Variants in CDCP1 observed in about 807,000 individuals in gnomAD.
CDCP1 encodes the protein CUB domain-containing protein 1.
A neutral mutation model predicts 60.2 loss-of-function variants in CDCP1; 29 were observed. The observed-to-expected ratio is 0.48, with a 90% CI of 0.36 to 0.66. CDCP1 has a LOEUF of 0.66. Among genes scored for constraint, CDCP1 ranks in the 30% least tolerant of loss-of-function variants. The pLI is 0.00. For synonymous variants in CDCP1, 387 were observed against 431.1 expected (o/e 0.90, Z 1.27); for missense variants, 876 against 1,074.3 (o/e 0.82, Z 2.58).
At chr3:45,107,549 A>G (rs1186771695) in intron 4 of CDCP1, among the ~76,000 whole-genome samples, 1 of 152,026 alleles carries the variant, frequency 6.6e-6, no homozygotes, top group Admixed American at 6.5e-5. Flanking sequence ...CTTGACCTAG[A>G]ACCCTGCAGG....
intron 2 of CDCP1, among the ~76,000 whole-genome samples, chr3:45,118,102 G>T (rs1165559403): frequency 6.6e-6 from 1 of 152,226 alleles, no homozygotes; most frequent in Admixed American, 6.5e-5. Context: ...CAGTGGCTAA[G>T]TGCAAAGACT....
Position 45,118,445 on chromosome 3 carries a change from T to C in CDCP1, c.259A>G (p.Asn87Asp). The C allele has an allele frequency of 6.2e-7, 1 of 1,614,084 alleles. No homozygotes were observed. ...VFTFSCQSPE[N>D]HFVIEIQKNI... ...TTCTGGATCTCTATGACAAAGTGAT[T>C]CTCAGGACTCTGGCAGCTAAAGGTA... The change falls in exon 2 of 9, where the codon AAT becomes GAT. Residue 87 changes from asparagine (N) to aspartate (D), a missense_variant. Physicochemically the swap from Asn to Asp is conservative, Grantham distance 23. Coordinates refer to ENST00000296129, the MANE Select transcript of CDCP1 (RefSeq NM_022842.5).
intron 2 of CDCP1, among the ~76,000 whole-genome samples, chr3:45,116,191 A>C (rs1698786272): frequency 6.6e-6 from 1 of 150,618 alleles, no homozygotes; most frequent in Non-Finnish European, 1.5e-5. Flanking sequence ...TGATTTACTA[A>C]GAGTGTTTTA....
chr3:45,138,841 C>T (rs1395274272), intron 1 of CDCP1, among the ~76,000 whole-genome samples: 1 of 151,770 alleles, frequency 6.6e-6, no homozygotes, highest in Non-Finnish European at 1.5e-5. Flanking sequence ...GCGAAAACTC[C>T]ATCTCAAAGA....
At chr3:45,141,193 T>C (rs1416240268) in intron 1 of CDCP1, among the ~76,000 whole-genome samples, 2 of 144,984 alleles carry the variant, frequency 1.4e-5, no homozygotes, top group African/African-American at 5.0e-5. Context: ...AGAGTAAGAC[T>C]CCGTCTCAAA....
chr3:45,092,604 T>C (rs1199291075), intron 6 of CDCP1, among the ~76,000 whole-genome samples: 1 of 152,188 alleles, frequency 6.6e-6, no homozygotes, highest in African/African-American at 2.4e-5. Context: ...CCTCAGAGAA[T>C]AAGAGTAGGA....
At chr3:45,105,267 GT>G (rs1698543279) in intron 4 of CDCP1, among the ~76,000 whole-genome samples, 1 of 152,152 alleles carries the variant, frequency 6.6e-6, no homozygotes, top group Non-Finnish European at 1.5e-5. Context: ...CTCAATGGGA[GT>G]AAGTCAAAGG....
At position 45,093,465 on chromosome 3, in the gene CDCP1, A is replaced by G. The variant is rs376021215; in HGVS notation, c.1439T>C (p.Phe480Ser). 6.2e-7 allele frequency: 1 copy of G among 1,614,070 alleles called. No homozygotes were observed. The highest frequency in any genetic ancestry group is 8.5e-7 in the Non-Finnish European group (1 of 1,179,928). ...HTHEKPCNTS[F>S]SYLVASAIPS... ...TATGGCACTGGCCACGAGGTAGCTG[A>G]AGCTGGTGTTGCAGGGCTTCTCGTG... The change falls in exon 6 of 9, where the codon TTC (phenylalanine) becomes TCC (serine). Residue 480 changes from phenylalanine to serine, a missense_variant. Phe to Ser is a radical substitution (Grantham distance 155). This residue lies in a region of CDCP1 where 726 missense variants were observed against 935.7 expected (regional missense o/e 0.78). Transcript: ENST00000296129.
In CDCP1 at chr3:45,085,657, GGCTCCTGAGTGT is replaced by G. The variant is rs750343772; in HGVS notation, c.2480_2491del (p.Asn827_Pro831delinsThr). 6.2e-7 allele frequency: 1 copy of G among 1,612,804 alleles called. No individual in the cohort carries two copies. The highest frequency in any genetic ancestry group is 1.1e-5 in the South Asian group (1 of 91,034). On this transcript the variant is annotated inframe_deletion, in exon 9 of 9. Coordinates refer to ENST00000296129, the MANE Select transcript of CDCP1 (RefSeq NM_022842.5). This position sits in a 1 kb window ranked among gnomAD's most constrained non-coding sequence, Gnocchi z 4.2. ...ATCAAGTTATTCTGCTGGCTCCATGGGCTCCTGAGTGTTCAGTAAGGGAATGTCTGTGTCCTT... is the reference window on the plus strand; with the variant it reads ...ATCAAGTTATTCTGCTGGCTCCATGGTCAGTAAGGGAATGTCTGTGTCCTT...
intron 2 of CDCP1, among the ~76,000 whole-genome samples, chr3:45,113,826 T>A (rs1698738745): frequency 6.6e-6 from 1 of 152,200 alleles, no homozygotes; most frequent in South Asian, 2.1e-4. Flanking sequence ...ACTTTGCGTG[T>A]TAGTAAAGGT....
At chr3:45,109,646 T>G (rs1236984650) in intron 4 of CDCP1, among the ~76,000 whole-genome samples, 1 of 151,952 alleles carries the variant, frequency 6.6e-6, no homozygotes, top group Non-Finnish European at 1.5e-5. Flanking sequence ...GGGCCAAGAC[T>G]GGGGTGAGGC....
intron 1 of CDCP1, among the ~76,000 whole-genome samples, chr3:45,141,123 C>T (rs979253174): frequency 1.3e-5 from 2 of 152,104 alleles, no homozygotes; most frequent in Non-Finnish European, 2.9e-5. Flanking sequence ...ATCACTTGAA[C>T]CCAGGAGGTG....
chr3:45,085,411 G>A lies in CDCP1; in HGVS notation c.*227C>T. ...TGGCTAACCGCACAGCCTAAGTTGA[G>A]GAGCACATGAGCTGTCATGACTGTA... On this transcript the variant is annotated 3_prime_UTR_variant, in exon 9 of 9. Coordinates refer to ENST00000296129, the MANE Select transcript of CDCP1 (RefSeq NM_022842.5). This position sits in a 1 kb window ranked among gnomAD's most constrained non-coding sequence, Gnocchi z 4.2. 1 of 536,412 alleles carries A rather than the reference G, an allele frequency of 1.9e-6. No individual in the cohort carries two copies. Among genetic ancestry groups the A allele is most frequent in the Non-Finnish European group, 3.3e-6 (1 of 302,096 alleles). 33.2% of individuals were successfully genotyped at this position (536,412 alleles called of 1,614,324 possible).
intron 4 of CDCP1, among the ~76,000 whole-genome samples, chr3:45,096,623 C>CAAAAAA (rs5848726): frequency 0.32 from 16,975 of 53,176 alleles, 3,531 homozygotes; most frequent in East Asian, 0.7. Flanking sequence ...GACTCCGTCT[C>CAAAAAA]AAAAAAAAAA....
chr3:45,100,202 G>A (rs1301480460), intron 4 of CDCP1, among the ~76,000 whole-genome samples: 3 of 152,160 alleles, frequency 2.0e-5, no homozygotes, highest in East Asian at 3.8e-4. Flanking sequence ...CTCTACCGAA[G>A]GGAAGAAACA....
chr3:45,091,855 C>T lies in CDCP1; in HGVS notation c.1628-317G>A, dbSNP rs562461273. ...AGGCTAGAGTGCAGTGGCACGATCT[C>T]GGCTCACTGCAAACTGCAACCTCCA... On this transcript the variant is annotated intron_variant, in intron 6 of 8. Transcript: ENST00000296129. The surrounding 1 kb of genome is among the most constrained non-coding windows in gnomAD (Gnocchi z 4.8). Among the ~76,000 whole-genome samples the T allele has an allele frequency of 1.1e-3, 170 of 152,316 alleles. No individual in the cohort carries two copies. Among genetic ancestry groups the T allele is most frequent in the Non-Finnish European group, 1.8e-3 (125 of 68,030 alleles).
intron 1 of CDCP1, among the ~76,000 whole-genome samples, chr3:45,129,340 T>G (rs1331441373): frequency 6.6e-6 from 1 of 152,214 alleles, no homozygotes; most frequent in Admixed American, 6.5e-5. Flanking sequence ...CCAGATTGAA[T>G]CACACCGTAT....
intron 2 of CDCP1, among the ~76,000 whole-genome samples, chr3:45,114,262 T>G (rs1308269174): frequency 1.3e-5 from 2 of 152,194 alleles, no homozygotes; most frequent in Non-Finnish European, 2.9e-5. Context: ...GTCAAAATGA[T>G]TGGCATGCCT....
chr3:45,099,124 CT>C lies in CDCP1; in HGVS notation c.1025-3557del, dbSNP rs1034563890. ...GCTTCCTGGATCCATCTTTTCTTTT[CT>C]TTTTTTTTTTTTTAATTTTTACTTT... On this transcript the variant is annotated intron_variant, in intron 4 of 8. Transcript: ENST00000296129. Among the ~76,000 whole-genome samples the C allele has an allele frequency of 2.6e-3, 358 of 137,220 alleles. 1 individual carries two copies. The highest frequency in any genetic ancestry group is 7.3e-3 in the East Asian group (34 of 4,652). 90.0% of individuals were successfully genotyped at this position (137,220 alleles called of 152,430 possible). A position where few individuals can be genotyped will look rare whatever the true frequency, so the allele number is the denominator to read the frequency against.
Sources: gnomAD v4.1 joint callset for allele counts (sites outside exome capture counted in the v4.1 genomes callset) on GRCh38, gnomAD v4.1.1 for gene constraint, gnomAD v4.1.1 regional missense constraint, Gnocchi (gnomAD v3.1) non-coding constraint, MANE v1.5 for transcripts, NCBI Gene and HGNC (gene_info 2026-07-23, HGNC 2026-07-21) for gene names.